MYO5A: variants seen among roughly 807,000 people sequenced by gnomAD.
MYO5A encodes myosin VA.
A neutral mutation model predicts 249.7 loss-of-function variants in MYO5A; 98 were observed. The observed-to-expected ratio is 0.39, with a 90% CI of 0.33 to 0.46. The LOEUF is 0.46. Ranked by LOEUF, MYO5A falls within the 20% of genes least tolerant of loss-of-function variation. The probability of loss-of-function intolerance (pLI) is 0.98; values close to 1 mark genes in which losing one functional copy is unlikely to be tolerated. For synonymous variants in MYO5A, 778 were observed against 810.6 expected, an observed-to-expected ratio of 0.96 and a Z score of 0.68; for missense variants, 1,696 against 2,308.8, an observed-to-expected ratio of 0.73 and a Z score of 5.44.
chr15:52,370,553 A>G, intron 21 of MYO5A, 136 bp from the exon 22 acceptor site: 1 of 877,440 alleles, frequency 1.1e-6, no homozygotes, highest in Non-Finnish European at 1.8e-6. Flanking sequence ...AAATACTACA[A>G]CATTTGCAAT....
intron 1 of MYO5A, among the ~76,000 whole-genome samples, chr15:52,461,834 G>A (rs1025833574): frequency 8.6e-5 from 13 of 151,834 alleles, no homozygotes; most frequent in African/African-American, 2.2e-4. Context: ...GGTGGCATGC[G>A]CCTGTAGTCC....
chr15:52,505,617 AT>A, intron 1 of MYO5A: 1 of 1,376,142 alleles, frequency 7.3e-7, no homozygotes, highest in Non-Finnish European at 1.0e-6. Context: ...CTTCCATCTT[AT>A]TAGATGTGAA....
chr15:52,392,611 C>T (rs988282052), intron 11 of MYO5A, among the ~76,000 whole-genome samples: 1 of 152,236 alleles, frequency 6.6e-6, no homozygotes, highest in Non-Finnish European at 1.5e-5. Flanking sequence ...CTACGACTCA[C>T]TTTTCTGGTT....
chr15:52,362,652 C>G (rs1416328546), intron 24 of MYO5A, among the ~76,000 whole-genome samples: 3 of 152,138 alleles, frequency 2.0e-5, no homozygotes, highest in Non-Finnish European at 2.9e-5. Flanking sequence ...CACAGGCATA[C>G]AATGGAGAGG....
intron 4 of MYO5A, among the ~76,000 whole-genome samples, chr15:52,416,646 G>C (rs565649897): frequency 6.6e-6 from 1 of 152,138 alleles, no homozygotes; most frequent in Non-Finnish European, 1.5e-5. Flanking sequence ...GGGGAGATCT[G>C]TGCAGGGGGA....
chr15:52,420,843 T>C (rs1464354976), intron 4 of MYO5A, among the ~76,000 whole-genome samples: 1 of 152,170 alleles, frequency 6.6e-6, no homozygotes, highest in African/African-American at 2.4e-5. Flanking sequence ...GCCAGGTAGT[T>C]GAAAGTAAGA....
chr15:52,383,118 T>G lies in MYO5A; in HGVS notation c.1985A>C (p.Lys662Thr), dbSNP rs1470856229. 1 of 1,613,870 alleles carries G rather than the reference T, an allele frequency of 6.2e-7. No individual in the cohort carries two copies. Among genetic ancestry groups the G allele is most frequent in the Non-Finnish European group, 8.5e-7 (1 of 1,179,742 alleles). ...GAATGGGAACTTGAAGTCATTAGGC[T>G]TGATACAGCGCACATAGTGAGGGGT... is the stretch of plus-strand genomic sequence containing the variant. ...ATTPHYVRCIKPNDFKFPFTF... is the reference protein window; with the variant it reads ...ATTPHYVRCITPNDFKFPFTF... The change falls in exon 16 of 42, where the codon AAG becomes ACG. Residue 662 changes from lysine (K) to threonine (T), a missense_variant. Physicochemically the swap from Lys to Thr is moderately conservative, Grantham distance 78. Coordinates refer to ENST00000399233, the MANE Select transcript of MYO5A (RefSeq NM_001382347.1).
chr15:52,389,341 G>A lies in MYO5A; in HGVS notation c.1565C>T (p.Thr522Ile), dbSNP rs1437845969. 1.2e-6 allele frequency: 2 copies of A among 1,612,646 alleles called. No individual in the cohort carries two copies. Among genetic ancestry groups the A allele is most frequent in the East Asian group, 2.2e-5 (1 of 44,828 alleles). The change falls in exon 13 of 42, where the codon ACC becomes ATC. Residue 522 changes from threonine (T) to isoleucine (I), a missense_variant. Physicochemically the swap from Thr to Ile is moderately conservative, Grantham distance 89 (BLOSUM62 -1). Transcript: ENST00000399233. ...ECKMPKGTDD[T>I]WAQKLYNTHL... The stretch of plus-strand genomic sequence containing the variant: ...TGTGTTGTACAATTTTTGGGCCCAG[G>A]TGTCATCTGTGCCTTTAGGCATCTA...
chr15:52,387,272 T>A (rs532783661), intron 14 of MYO5A, among the ~76,000 whole-genome samples: 6 of 152,214 alleles, frequency 3.9e-5, no homozygotes, highest in Non-Finnish European at 8.8e-5. Context: ...GAAAGCAGTG[T>A]CTCTAGTACC....
chr15:52,316,233 C>CAAAAAAAAAA (rs5812596), intron 40 of MYO5A, among the ~76,000 whole-genome samples: 17 of 60,342 alleles, frequency 2.8e-4, no homozygotes, highest in Non-Finnish European at 2.9e-4. Context: ...GACTCCGTCA[C>CAAAAAAAAAA]AAAAAAAAAA....
intron 1 of MYO5A, among the ~76,000 whole-genome samples, chr15:52,489,819 G>T (rs1407255493): frequency 6.6e-6 from 1 of 152,146 alleles, no homozygotes; most frequent in African/African-American, 2.4e-5. Context: ...AGTGAGACCT[G>T]TCTCTAAGTA....
At chr15:52,396,744 G>A (rs997591270) in intron 10 of MYO5A, among the ~76,000 whole-genome samples, 2 of 151,976 alleles carry the variant, frequency 1.3e-5, no homozygotes, top group Admixed American at 6.6e-5. Flanking sequence ...ACTGACTCAC[G>A]GTGTTACACA....
chr15:52,463,640 A>C (rs2076297050), intron 1 of MYO5A, among the ~76,000 whole-genome samples: 1 of 152,220 alleles, frequency 6.6e-6, no homozygotes, highest in Non-Finnish European at 1.5e-5. Flanking sequence ...TACTGGAAAC[A>C]TTGTTAATCT....
chr15:52,407,199 C>A, intron 8 of MYO5A, 93 bp downstream of exon 8: 1 of 869,342 alleles, frequency 1.2e-6, no homozygotes, highest in Admixed American at 1.8e-5. Context: ...CAATACTTGC[C>A]ACTTAATAAA....
In MYO5A at chr15:52,353,972, G is replaced by A; in HGVS notation, c.3466C>T (p.Leu1156Phe). 1 of 1,614,208 alleles carries A rather than the reference G, an allele frequency of 6.2e-7. No homozygotes were observed. Among genetic ancestry groups the A allele is most frequent in the Non-Finnish European group, 8.5e-7 (1 of 1,180,044 alleles). Residue 1156 changes from leucine (L) to phenylalanine (F), a missense_variant, in exon 26 of 42, where the codon CTT becomes TTT. Around this residue, in one of 5 missense-constraint regions of MYO5A, gnomAD observed 625 missense variants for 908.1 expected, o/e 0.69. Coordinates refer to ENST00000399233, the MANE Select transcript of MYO5A (RefSeq NM_001382347.1). Reference sequence around the variant, plus strand: ...TCTGTGACCCGCTTCTGGAGCTTAAGGAACAATGACATGTCCAGAGGTACC... The same window carrying A: ...TCTGTGACCCGCTTCTGGAGCTTAAAGAACAATGACATGTCCAGAGGTACC... ...KKVPLDMSLF[L>F]KLQKRVTELE... is the part of the protein sequence containing the mutation.
chr15:52,336,685 C>T lies in MYO5A; in HGVS notation c.4315-129G>A. 2 of 715,946 alleles carry T rather than the reference C, an allele frequency of 2.8e-6. 1 individual carries two copies. Among genetic ancestry groups the T allele is most frequent in the South Asian group, 3.5e-5 (2 of 57,700 alleles). The allele number at this position is 715,946 out of a possible 1,614,324, so 44.3% of individuals were successfully genotyped here. A position where few individuals can be genotyped will look rare whatever the true frequency, so the allele number is the denominator to read the frequency against. On this transcript the variant is annotated intron_variant, in intron 33 of 41. Coordinates refer to ENST00000399233, the MANE Select transcript of MYO5A (RefSeq NM_001382347.1). ...ACATAAGAGCTCATTGGTGGAGCCA[C>T]CACCTGGCTAAAATTGGCAGGCATG... is the stretch of plus-strand genomic sequence containing the variant.
At chr15:52,327,730 TA>T in intron 36 of MYO5A, 121 bp downstream of exon 36, 1 of 1,076,982 alleles carries the variant, frequency 9.3e-7, no homozygotes, top group Non-Finnish European at 1.4e-6. Flanking sequence ...GGTAAGTAAA[TA>T]AAAATTGGAA....
intron 5 of MYO5A, among the ~76,000 whole-genome samples, chr15:52,411,645 CTA>C (rs2043255365): frequency 6.6e-6 from 1 of 151,888 alleles, no homozygotes. Context: ...TGTGTAAAGC[CTA>C]TGTCAGGATT....
At chr15:52,480,989 C>G (rs2076703519) in intron 1 of MYO5A, among the ~76,000 whole-genome samples, 1 of 152,168 alleles carries the variant, frequency 6.6e-6, no homozygotes, top group South Asian at 2.1e-4. Context: ...TTATGCCTAC[C>G]CATCTAAGAT....
Sources: allele counts gnomAD v4.1 joint callset (sites outside exome capture counted in the v4.1 genomes callset), GRCh38; gene constraint gnomAD v4.1.1; regional missense constraint gnomAD v4.1.1; transcripts MANE v1.5; gene names NCBI Gene and HGNC (gene_info 2026-07-23, HGNC 2026-07-21).